The following TRAF3IP3 variants were observed in gnomAD, a reference collection of about 807,000 sequenced individuals.
The protein encoded by TRAF3IP3 is TRAF3-interacting JNK-activating modulator.
TRAF3IP3 carries 64 observed loss-of-function variants against 86.5 expected under a neutral mutation model. That is an observed-to-expected ratio of 0.74 (90% CI 0.60 to 0.91). The LOEUF (loss-of-function observed/expected upper bound fraction) is 0.91. Among genes scored for constraint, TRAF3IP3 ranks in the 40% least tolerant of loss-of-function variants. The pLI is 0.00. For missense variants in TRAF3IP3, 579 were observed against 642.9 expected (o/e 0.90, Z 1.07); for synonymous variants, 220 against 243.9 (o/e 0.90, Z 0.91).
intron 15 of TRAF3IP3, 76 bp downstream of exon 15, chr1:209,780,682 G>C (rs757035804): frequency 1.9e-5 from 26 of 1,360,510 alleles, no homozygotes; most frequent in Non-Finnish European, 2.5e-5. Flanking sequence ...CAAAAAGCAG[G>C]GATTTCAAAG....
intron 15 of TRAF3IP3, 130 bp from the exon 16 acceptor site, chr1:209,781,215 G>C: frequency 1.7e-6 from 1 of 588,880 alleles, no homozygotes; most frequent in Non-Finnish European, 3.1e-6. Flanking sequence ...TCAAATCCCT[G>C]AGAATGGCTG....
chr1:209,778,740 C>A, intron 13 of TRAF3IP3: 1 of 155,000 alleles, frequency 6.5e-6, no homozygotes, highest in South Asian at 2.0e-4. Flanking sequence ...GAGAGCAAAG[C>A]AACCACAGGG....
At chr1:209,781,557 T>C (rs2077780699) in intron 16 of TRAF3IP3, 99 bp downstream of exon 16, 1 of 809,454 alleles carries the variant, frequency 1.2e-6, no homozygotes, top group Admixed American at 2.0e-5. Context: ...CGCCAACAAC[T>C]GGCCATCCTG....
Position 209,782,042 on chromosome 1 carries a change from C to T in TRAF3IP3, c.1564-14C>T. ...CTCATGGCCACTTTCTTCTGTCTCC[C>T]TGTCCCCCTACAGAGGCAATGTGGG... On this transcript the variant is annotated splice_polypyrimidine_tract_variant and intron_variant, in intron 16 of 16. Transcript: ENST00000367025. 6.2e-7 allele frequency: 1 copy of T among 1,609,086 alleles called. No homozygotes were observed. Among genetic ancestry groups the T allele is most frequent in the Non-Finnish European group, 8.5e-7 (1 of 1,175,456 alleles).
chr1:209,780,651 C>G (rs1303659148), intron 15 of TRAF3IP3, 45 bp downstream of exon 15: 2 of 1,462,194 alleles, frequency 1.4e-6, no homozygotes, highest in East Asian at 2.5e-5. Context: ...TGCGAAATAG[C>G]AGAGAAACCT....
chr1:209,771,784 T>A (rs28767240), intron 8 of TRAF3IP3, among the ~76,000 whole-genome samples: 2 of 109,146 alleles, frequency 1.8e-5, no homozygotes, highest in South Asian at 3.2e-4. Flanking sequence ...TATGGAGGTG[T>A]GCGTGTGCAT....
chr1:209,764,768 G>A (rs1352120027), intron 8 of TRAF3IP3, among the ~76,000 whole-genome samples: 1 of 149,526 alleles, frequency 6.7e-6, no homozygotes, highest in Non-Finnish European at 1.5e-5. Context: ...AAAATCTAAA[G>A]GCATGACACA....
At chr1:209,777,573 T>G in intron 12 of TRAF3IP3, 86 bp downstream of exon 12, 1 of 1,369,746 alleles carries the variant, frequency 7.3e-7, no homozygotes, top group Non-Finnish European at 9.9e-7. Context: ...GAGAAAGGCT[T>G]CAGCCTTTTA....
chr1:209,763,803 T>C (rs576611599), intron 8 of TRAF3IP3, among the ~76,000 whole-genome samples: 2 of 152,308 alleles, frequency 1.3e-5, no homozygotes, highest in East Asian at 3.9e-4. Context: ...TGGTGCTACA[T>C]ATCCAAGGAA....
chr1:209,777,801 G>A, intron 12 of TRAF3IP3: 2 of 513,230 alleles, frequency 3.9e-6, no homozygotes, highest in Non-Finnish European at 6.9e-6. Flanking sequence ...ATTTGAAAGG[G>A]AAAGGTCAGT....
intron 8 of TRAF3IP3, chr1:209,768,078 ACT>A (rs1026650901): frequency 2.1e-6 from 2 of 932,050 alleles, no homozygotes; most frequent in Non-Finnish European, 2.6e-6. Context: ...AGGTAATTCA[ACT>A]CTCTATCTCT....
At chr1:209,773,734 A>C (rs1226890858) in intron 9 of TRAF3IP3, among the ~76,000 whole-genome samples, 1 of 152,226 alleles carries the variant, frequency 6.6e-6, no homozygotes, top group Non-Finnish European at 1.5e-5. Flanking sequence ...TGGAGTCTAT[A>C]AGTTTCTTGG....
In TRAF3IP3 at chr1:209,756,869, T is replaced by A. The variant is rs575697739; in HGVS notation, c.-160+560T>A. Among the ~76,000 whole-genome samples the A allele has an allele frequency of 2.6e-5, 4 of 152,318 alleles. No homozygotes were observed. The East Asian group carries it at 7.7e-4, about 29-fold the overall frequency. ...GCAGCCTGAGAGACCAGGCTGAGCC[T>A]TCCCAGCCAGTAAACCTTCTTCCTC... On this transcript the variant is annotated intron_variant, in intron 1 of 16. Transcript: ENST00000367025.
chr1:209,762,287 T>A (rs2077259996), intron 3 of TRAF3IP3, among the ~76,000 whole-genome samples: 1 of 152,282 alleles, frequency 6.6e-6, no homozygotes, highest in Non-Finnish European at 1.5e-5. Context: ...ATGGCACTAA[T>A]CCCATTCATG....
At position 209,762,519 on chromosome 1, in the gene TRAF3IP3, C is replaced by T; in HGVS notation, c.350C>T (p.Thr117Ile). 1 of 1,447,234 alleles carries T rather than the reference C, an allele frequency of 6.9e-7. No homozygotes were observed. 89.6% of individuals were successfully genotyped at this position (1,447,234 alleles called of 1,614,324 possible). ...CATTCCCCACTTGCCTTCCAGGTGA[C>T]AGGCACCAGCTCTGAAGTCTTTCCA... ...RRISSPREQV[T>I]GTSSEVFPAQ... is the part of the protein sequence containing the mutation. Residue 117 changes from threonine to isoleucine, a missense_variant, in exon 4 of 17, where the codon ACA (threonine) becomes ATA (isoleucine). Physicochemically the swap from Thr to Ile is moderately conservative, Grantham distance 89 (BLOSUM62 -1). Coordinates refer to ENST00000367025, the MANE Select transcript of TRAF3IP3 (RefSeq NM_025228.4).
intron 16 of TRAF3IP3, 167 bp from the exon 17 acceptor site, chr1:209,781,889 T>C: frequency 1.7e-6 from 1 of 603,312 alleles, no homozygotes. Flanking sequence ...GGTTAAGTGG[T>C]TTTATCCCAA....
chr1:209,770,388 GGT>G (rs1345942541), intron 8 of TRAF3IP3, among the ~76,000 whole-genome samples: 12 of 151,142 alleles, frequency 7.9e-5, no homozygotes, highest in Non-Finnish European at 1.6e-4. Flanking sequence ...TGCATGTGGA[GGT>G]GTGTGTGTGC....
At chr1:209,760,920 G>A (rs921149191) in intron 3 of TRAF3IP3, among the ~76,000 whole-genome samples, 7 of 151,952 alleles carry the variant, frequency 4.6e-5, no homozygotes, top group Non-Finnish European at 1.0e-4. Flanking sequence ...GGCAAGAGAG[G>A]GAGACCCTAT....
At chr1:209,770,614 G>A (rs2077455944) in intron 8 of TRAF3IP3, among the ~76,000 whole-genome samples, 1 of 138,684 alleles carries the variant, frequency 7.2e-6, no homozygotes, top group South Asian at 2.3e-4. Flanking sequence ...AGGTGTGTGT[G>A]CAGCTGGAAG....
Sources: allele counts gnomAD v4.1 joint callset (sites outside exome capture counted in the v4.1 genomes callset), GRCh38; gene constraint gnomAD v4.1.1; transcripts MANE v1.5; gene names NCBI Gene and HGNC (gene_info 2026-07-23, HGNC 2026-07-21).